CSMD1: variants seen among roughly 807,000 people sequenced by gnomAD.
CSMD1 encodes the protein CUB and sushi domain-containing protein 1.
A neutral mutation model predicts 417.5 loss-of-function variants in CSMD1; 213 were observed. The observed-to-expected ratio is 0.51, with a 90% CI of 0.46 to 0.57. CSMD1 has a LOEUF of 0.57. CSMD1 is among the 20% of genes least tolerant of loss of function. The pLI is 0.00. For synonymous variants in CSMD1, 2,862 were observed against 1,736.8 expected (o/e 1.65, Z -16.11); for missense variants, 6,923 against 4,529.7 (o/e 1.53, Z -15.17).
chr8:4,688,035 A>T (rs1806502201), intron 1 of CSMD1, among the ~76,000 whole-genome samples: 2 of 152,060 alleles, frequency 1.3e-5, no homozygotes, highest in African/African-American at 4.8e-5. Context: ...CCATTTTTAG[A>T]TGATATCTAA....
intron 1 of CSMD1, among the ~76,000 whole-genome samples, chr8:4,833,881 A>C (rs553806528): frequency 1.8e-4 from 27 of 152,338 alleles, no homozygotes; most frequent in African/African-American, 6.3e-4. Context: ...GTTGTAAATA[A>C]CAAACCGTAC....
intron 5 of CSMD1, among the ~76,000 whole-genome samples, chr8:3,910,232 G>A (rs759039825): frequency 6.6e-6 from 1 of 152,118 alleles, no homozygotes; most frequent in Non-Finnish European, 1.5e-5. Flanking sequence ...GTGAATTGTG[G>A]GGTGGGGAGG....
At chr8:4,024,011 C>A (rs116713054) in intron 4 of CSMD1, among the ~76,000 whole-genome samples, 2 of 151,956 alleles carry the variant, frequency 1.3e-5, no homozygotes, top group Non-Finnish European at 2.9e-5. Flanking sequence ...ATATTTGACA[C>A]TGCAAAGGTT....
intron 3 of CSMD1, among the ~76,000 whole-genome samples, chr8:4,121,620 T>TAA (rs35084613): frequency 4.9e-5 from 7 of 144,102 alleles, no homozygotes; most frequent in African/African-American, 1.8e-4. Context: ...ACACCTAGTT[T>TAA]AAAAAAAAAA....
chr8:3,374,594 T>G (rs908227695), intron 18 of CSMD1, among the ~76,000 whole-genome samples: 2 of 152,164 alleles, frequency 1.3e-5, no homozygotes, highest in East Asian at 1.9e-4. Flanking sequence ...AAGTGATGAA[T>G]GCACATCCTG....
chr8:3,541,781 T>C (rs927855657), intron 10 of CSMD1, among the ~76,000 whole-genome samples: 2 of 150,956 alleles, frequency 1.3e-5, no homozygotes, highest in Non-Finnish European at 3.0e-5. Flanking sequence ...ACTACAGCTG[T>C]TCTTTTTAAA....
intron 2 of CSMD1, among the ~76,000 whole-genome samples, chr8:4,445,747 T>C (rs1173287230): frequency 1.4e-5 from 2 of 147,478 alleles, no homozygotes; most frequent in South Asian, 2.2e-4. Flanking sequence ...TATCCAATAA[T>C]AGACGGTCCT....
chr8:4,237,796 G>C (rs1379714997), intron 3 of CSMD1, among the ~76,000 whole-genome samples: 1 of 152,074 alleles, frequency 6.6e-6, no homozygotes, highest in African/African-American at 2.4e-5. Flanking sequence ...TGTAGACATG[G>C]GCCACAGTAC....
intron 7 of CSMD1, among the ~76,000 whole-genome samples, chr8:3,656,111 G>C (rs1411210104): frequency 6.6e-6 from 1 of 152,188 alleles, no homozygotes; most frequent in Admixed American, 6.5e-5. Context: ...AGAAGATCAT[G>C]GGGTGCGCAG....
chr8:3,087,452 T>C (rs1814623999), intron 48 of CSMD1, among the ~76,000 whole-genome samples, 167 bp from the exon 49 acceptor site: 2 of 152,230 alleles, frequency 1.3e-5, no homozygotes, highest in East Asian at 1.9e-4. Flanking sequence ...CTTGAGAGTC[T>C]AAGAGGCAAG....
intron 2 of CSMD1, among the ~76,000 whole-genome samples, chr8:4,457,964 G>T (rs956918317): frequency 2.0e-5 from 3 of 152,246 alleles, no homozygotes; most frequent in African/African-American, 7.2e-5. Context: ...AAACCCAGAT[G>T]TACTTCTTTG....
At chr8:3,168,135 T>C (rs17079527) in intron 37 of CSMD1, among the ~76,000 whole-genome samples, 31,235 of 151,152 alleles carry the variant, frequency 0.21, 4,297 homozygotes, top group East Asian at 0.64. Context: ...AGCAGACCCA[T>C]GTGAAGAGAT....
chr8:3,635,812 A>AAAAAAG (rs1554495065), intron 7 of CSMD1, among the ~76,000 whole-genome samples: 5 of 117,636 alleles, frequency 4.3e-5, no homozygotes, highest in South Asian at 2.9e-4. Flanking sequence ...AAAAAAAAAA[A>AAAAAAG]AAAGAAAGAA....
intron 12 of CSMD1, among the ~76,000 whole-genome samples, chr8:3,455,307 C>CA (rs1314697437): frequency 3.9e-5 from 6 of 152,204 alleles, no homozygotes; most frequent in Admixed American, 6.5e-5. Context: ...CTTCTTCTCT[C>CA]AACTCATCAA....
Position 3,998,120 on chromosome 8 carries a change from CA to C in CSMD1, c.611-11del. ...CCGCAGGCTCCCTCAGCTGCAGGGG[CA>C]AAAGCAGAAAGAAAGCATCACATTT... is the stretch of plus-strand genomic sequence containing the variant. On this transcript the variant is annotated splice_polypyrimidine_tract_variant and intron_variant, in intron 4 of 69. Coordinates refer to ENST00000635120, the MANE Select transcript of CSMD1 (RefSeq NM_033225.6). The C allele has an allele frequency of 6.4e-7, 1 of 1,551,022 alleles. No homozygotes were observed. Among genetic ancestry groups the C allele is most frequent in the African/African-American group, 1.4e-5 (1 of 73,412 alleles).
intron 1 of CSMD1, among the ~76,000 whole-genome samples, chr8:4,836,428 G>A (rs1337340322): frequency 6.6e-6 from 1 of 152,184 alleles, no homozygotes; most frequent in East Asian, 1.9e-4. Context: ...CCAGGGGGAA[G>A]AGATTTGTCC....
intron 1 of CSMD1, among the ~76,000 whole-genome samples, chr8:4,822,402 G>T (rs375556168): frequency 7.2e-5 from 11 of 151,990 alleles, no homozygotes; most frequent in African/African-American, 2.4e-4. Context: ...CTAGTTTGAT[G>T]ATTTTTTTAA....
chr8:3,413,307 G>GCAGAGGTTT (rs1812931868), intron 12 of CSMD1, among the ~76,000 whole-genome samples: 1 of 152,154 alleles, frequency 6.6e-6, no homozygotes, highest in South Asian at 2.1e-4. Flanking sequence ...GCTCTACTGT[G>GCAGAGGTTT]CAGAGGTTTC....
chr8:4,185,134 G>C (rs1294160207), intron 3 of CSMD1, among the ~76,000 whole-genome samples: 5 of 29,176 alleles, frequency 1.7e-4, no homozygotes, highest in African/African-American at 6.0e-4. Flanking sequence ...GTGAAATTTT[G>C]CCTCAAAAAA....
Sources: allele counts gnomAD v4.1 joint callset (sites outside exome capture counted in the v4.1 genomes callset), GRCh38; gene constraint gnomAD v4.1.1; transcripts MANE v1.5; gene names NCBI Gene and HGNC (gene_info 2026-07-23, HGNC 2026-07-21).